Variants in VPS13B observed in about 807,000 individuals in gnomAD.
VPS13B encodes the protein intermembrane lipid transfer protein VPS13B.
In VPS13B, 285 loss-of-function variants were observed where a neutral mutation model predicts 426.4. That is an observed-to-expected ratio of 0.67 (90% CI 0.61 to 0.74). VPS13B has a LOEUF of 0.74. VPS13B is among the 30% of genes least tolerant of loss of function. VPS13B has a pLI of 0.00. For synonymous variants in VPS13B, 1,676 were observed against 1,676.4 expected, an observed-to-expected ratio of 1.00 and a Z score of 0.01; for missense variants, 4,537 against 4,782.6, an observed-to-expected ratio of 0.95 and a Z score of 1.51.
intron 26 of VPS13B, 116 bp downstream of exon 26, chr8:99,501,974 T>TGTCTGTCTGTC (rs751667230): frequency 2.5e-6 from 3 of 1,210,102 alleles, no homozygotes; most frequent in Non-Finnish European, 3.5e-6. Flanking sequence ...TCTGTCTGTC[T>TGTCTGTCTGTC]TTCCGTCTGT....
intron 12 of VPS13B, among the ~76,000 whole-genome samples, chr8:99,141,880 TA>T (rs371079413): frequency 0.3 from 32,568 of 109,864 alleles, 4,131 homozygotes; most frequent in East Asian, 0.47. Flanking sequence ...CTGTCTCTAC[TA>T]AAAAAAAAAA....
Position 99,875,587 on chromosome 8 carries a change from T to C in VPS13B, c.11915T>C (p.Val3972Ala), listed in dbSNP as rs1185026360. ...ACTGTTAAAACATACCATTACCTGG[T>C]TGATCCACATTTTGCTCAGGTCTTC... ...PSTVKTYHYL[V>A]DPHFAQVFLS... The change falls in exon 62 of 62, where the codon GTT becomes GCT. Residue 3972 changes from valine to alanine, a missense_variant. Val to Ala is a moderately conservative substitution (Grantham distance 64). Transcript: ENST00000357162. 2.5e-6 allele frequency: 4 copies of C among 1,614,096 alleles called. No homozygotes were observed. The highest frequency in any genetic ancestry group is 3.4e-6 in the Non-Finnish European group (4 of 1,180,042).
At position 99,502,884 on chromosome 8, in the gene VPS13B, T is replaced by C. The variant is rs1821317507; in HGVS notation, c.4091T>C (p.Val1364Ala). Residue 1364 changes from valine (V) to alanine (A), a missense_variant, in exon 27 of 62, where the codon GTC (valine) becomes GCC (alanine). Physicochemically the swap from Val to Ala is moderately conservative, Grantham distance 64 (BLOSUM62 0). Transcript: ENST00000357162. ...ELEDLSASID[V>A]QDVYTKVKCK... The stretch of plus-strand genomic sequence containing the variant: ...GAAGATCTCAGTGCTTCCATAGATG[T>C]CCAGGATGTATATACCAAAGTGAAA... 1 of 1,613,504 alleles carries C rather than the reference T, an allele frequency of 6.2e-7. No homozygotes were observed. Among genetic ancestry groups the C allele is most frequent in the South Asian group, 1.1e-5 (1 of 91,078 alleles).
At chr8:99,219,095 T>C (rs566330295) in intron 17 of VPS13B, among the ~76,000 whole-genome samples, 2 of 152,316 alleles carry the variant, frequency 1.3e-5, no homozygotes, top group South Asian at 2.1e-4. Flanking sequence ...TTCTATAGTT[T>C]GTGGCCTCTA....
In VPS13B at chr8:99,647,065, G is replaced by A. The variant is rs568603311; in HGVS notation, c.5908+4567G>A. Among the ~76,000 whole-genome samples, 104 of 152,010 alleles carry A rather than the reference G, an allele frequency of 6.8e-4. 1 individual carries two copies. The South Asian group carries it at 0.021, about 31-fold the overall frequency. On this transcript the variant is annotated intron_variant, in intron 34 of 61. Transcript: ENST00000357162. ...CCATTGTCACATTTCAAAAATACCT[G>A]TGAGGTTGTTATAGAGATATTGGCT... is the stretch of plus-strand genomic sequence containing the variant.
intron 28 of VPS13B, among the ~76,000 whole-genome samples, chr8:99,508,158 AT>A (rs1434533571): frequency 6.6e-6 from 1 of 152,176 alleles, no homozygotes; most frequent in Non-Finnish European, 1.5e-5. Context: ...CATTCATTAT[AT>A]TTTTTTAAAT....
At chr8:99,317,818 A>G (rs2133119099) in intron 19 of VPS13B, among the ~76,000 whole-genome samples, 1 of 152,300 alleles carries the variant, frequency 6.6e-6, no homozygotes, top group South Asian at 2.1e-4. Flanking sequence ...ATTAATGAGG[A>G]TATGTAACAC....
chr8:99,871,752 C>G, intron 61 of VPS13B, 55 bp downstream of exon 61: 1 of 1,610,106 alleles, frequency 6.2e-7, no homozygotes, highest in South Asian at 1.1e-5. Context: ...GGTTGAGGAG[C>G]AGGCTGGTCA....
chr8:99,536,905 A>G (rs764855111), intron 30 of VPS13B: 2 of 458,304 alleles, frequency 4.4e-6, no homozygotes, highest in South Asian at 1.6e-5. Context: ...AGTAACATGC[A>G]TAGAGTTACA....
At chr8:99,384,085 C>A (rs542407818) in intron 19 of VPS13B, 123 bp from the exon 20 acceptor site, 8 of 846,272 alleles carry the variant, frequency 9.5e-6, no homozygotes, top group African/African-American at 6.6e-5. Flanking sequence ...TCCTCCACAT[C>A]CTTTCCAACG....
At chr8:99,142,881 C>A in intron 12 of VPS13B, 93 bp from the exon 13 acceptor site, 1 of 1,358,310 alleles carries the variant, frequency 7.4e-7, no homozygotes, top group Non-Finnish European at 1.0e-6. Context: ...AGGCATTAAG[C>A]TACAAGCTAT....
intron 33 of VPS13B, among the ~76,000 whole-genome samples, chr8:99,581,123 C>T (rs1172484901): frequency 6.7e-6 from 1 of 150,296 alleles, no homozygotes; most frequent in Admixed American, 6.6e-5. Context: ...GTCGAGGCTG[C>T]AGTGAGCCAA....
intron 35 of VPS13B, chr8:99,698,061 T>C: frequency 2.9e-6 from 1 of 340,062 alleles, no homozygotes; most frequent in Non-Finnish European, 5.7e-6. Flanking sequence ...CCCACTGCCC[T>C]GGCGAGGGCC....
chr8:99,013,679 T>TA (rs1841440581), intron 1 of VPS13B, 81 bp from the exon 2 acceptor site: 2 of 1,374,740 alleles, frequency 1.5e-6, no homozygotes, highest in East Asian at 2.3e-5. Context: ...GGTGGGGACT[T>TA]ACTGCTTTCG....
chr8:99,415,878 A>G (rs1429868973), intron 21 of VPS13B, among the ~76,000 whole-genome samples: 2 of 152,180 alleles, frequency 1.3e-5, no homozygotes, highest in Non-Finnish European at 2.9e-5. Context: ...TCTCCCAGTC[A>G]GGAAGCACGG....
At chr8:99,790,901 G>C (rs574998223) in intron 43 of VPS13B, among the ~76,000 whole-genome samples, 1 of 152,222 alleles carries the variant, frequency 6.6e-6, no homozygotes, top group African/African-American at 2.4e-5. Context: ...GTGTGGAGCT[G>C]CAAGAGGGGG....
At chr8:99,352,601 A>T (rs1017198785) in intron 19 of VPS13B, among the ~76,000 whole-genome samples, 2 of 152,178 alleles carry the variant, frequency 1.3e-5, no homozygotes, top group African/African-American at 4.8e-5. Context: ...AGGTGGGCAG[A>T]TCGCTTGAGG....
chr8:99,745,730 A>G (rs1810048246), intron 39 of VPS13B, among the ~76,000 whole-genome samples: 1 of 152,072 alleles, frequency 6.6e-6, no homozygotes, highest in South Asian at 2.1e-4. Context: ...CTCTGAGTCT[A>G]ACCCATCTTT....
chr8:99,617,083 A>T (rs185955033), intron 33 of VPS13B, among the ~76,000 whole-genome samples: 34 of 152,324 alleles, frequency 2.2e-4, no homozygotes, highest in African/African-American at 7.9e-4. Flanking sequence ...GTTAAATTTT[A>T]AAAATATCAG....
Sources: allele counts gnomAD v4.1 joint callset (sites outside exome capture counted in the v4.1 genomes callset), GRCh38; gene constraint gnomAD v4.1.1; transcripts MANE v1.5; gene names NCBI Gene and HGNC (gene_info 2026-07-23, HGNC 2026-07-21).